Variants in ANO2 observed in about 807,000 individuals in gnomAD.
ANO2 encodes the protein anoctamin-2.
Under a neutral mutation model 124.2 loss-of-function variants are expected in ANO2, and 101 were observed. That is an observed-to-expected ratio of 0.81 (90% confidence interval 0.69 to 0.96). ANO2 has a LOEUF of 0.96. Ranked by LOEUF, ANO2 falls within the 40% of genes least tolerant of loss-of-function variation. The pLI, the probability that ANO2 is intolerant of heterozygous loss-of-function variation, is 0.00. For missense variants in ANO2, 1,293 were observed against 1,274.5 expected, an observed-to-expected ratio of 1.01 and a Z score of -0.22; for synonymous variants, 486 against 482.5, an observed-to-expected ratio of 1.01 and a Z score of -0.09.
upstream of ANO2, among the ~76,000 whole-genome samples, chr12:5,945,548 C>T (rs1943069398): frequency 1.3e-5 from 2 of 152,268 alleles, no homozygotes; most frequent in African/African-American, 2.4e-5. Context: ...GCCGGGGCAA[C>T]GCCCCACAAC....
chr12:5,681,148 T>C (rs915971320), intron 14 of ANO2, among the ~76,000 whole-genome samples: 1 of 152,174 alleles, frequency 6.6e-6, no homozygotes, highest in Admixed American at 6.5e-5. Flanking sequence ...AGGTGATTGC[T>C]AAGCAGGAAA....
intron 16 of ANO2, among the ~76,000 whole-genome samples, chr12:5,615,508 G>C (rs915390659): frequency 5.3e-5 from 8 of 152,116 alleles, no homozygotes; most frequent in Non-Finnish European, 1.5e-5. Context: ...AAAAAATATA[G>C]GATCACTGTC....
rs1423354125 is a variant in ANO2, at chr12:5,658,169, T to C, written c.1546-10368A>G. On this transcript the variant is annotated intron_variant, in intron 14 of 24. Coordinates refer to ENST00000682330, the MANE Select transcript of ANO2 (RefSeq NM_001364791.2). This position sits in a 1 kb window ranked among gnomAD's most constrained non-coding sequence, Gnocchi z 4.3. The stretch of plus-strand genomic sequence containing the variant: ...CTGGAGGTGGCTGCCTGGGTTCAAT[T>C]CCCAGCTTGCACGCTAATTGAACGT... Among the ~76,000 whole-genome samples the C allele has an allele frequency of 2.6e-5, 4 of 152,162 alleles. No individual in the cohort carries two copies. The highest frequency in any genetic ancestry group is 6.5e-5 in the Admixed American group (1 of 15,280).
chr12:5,756,415 AT>A (rs1361579925), intron 10 of ANO2, among the ~76,000 whole-genome samples: 2 of 152,114 alleles, frequency 1.3e-5, no homozygotes, highest in Non-Finnish European at 2.9e-5. Flanking sequence ...AGAATTCCTG[AT>A]TCTTTGTGAT....
chr12:5,940,093 A>ATG (rs1565798532), intron 1 of ANO2, among the ~76,000 whole-genome samples: 41 of 124,370 alleles, frequency 3.3e-4, no homozygotes, highest in African/African-American at 1.5e-3. Context: ...ATGGATGGAT[A>ATG]GATGGATGGA....
chr12:5,750,969 T>C lies in ANO2; in HGVS notation c.1057A>G (p.Lys353Glu). The C allele has an allele frequency of 1.3e-6, 2 of 1,593,058 alleles. No homozygotes were observed. Among genetic ancestry groups the C allele is most frequent in the Non-Finnish European group, 1.7e-6 (2 of 1,170,000 alleles). Residue 353 changes from lysine to glutamate, a missense_variant and splice_region_variant, in exon 11 of 25, where the codon AAG (lysine) becomes GAG (glutamate). Coordinates refer to ENST00000682330, the MANE Select transcript of ANO2 (RefSeq NM_001364791.2). ...YKFQPIDLIR[K>E]YFGEKIGLYF... ...AGTCCAATTTTTTCTCCAAAATACT[T>C]TCTGGAAAAGAAAGAAAAGAAAATG...
At chr12:5,732,773 C>G (rs758020539) in intron 13 of ANO2, 143 bp from the exon 14 acceptor site, 23 of 1,576,056 alleles carry the variant, frequency 1.5e-5, no homozygotes, top group Non-Finnish European at 2.0e-5. Flanking sequence ...CACACAATCA[C>G]AAGGCATCTA....
At chr12:5,765,477 A>G (rs1203734747) in intron 10 of ANO2, among the ~76,000 whole-genome samples, 1 of 152,246 alleles carries the variant, frequency 6.6e-6, no homozygotes, top group Non-Finnish European at 1.5e-5. Context: ...TCTATGAGAT[A>G]TTAGTCGGTA....
At chr12:5,804,525 T>C (rs761482426) in intron 9 of ANO2, among the ~76,000 whole-genome samples, 28 of 152,210 alleles carry the variant, frequency 1.8e-4, no homozygotes, top group Non-Finnish European at 1.2e-4. Context: ...ACATCAACTT[T>C]GGGAGTTATC....
chr12:5,849,180 C>T (rs1400429014), intron 4 of ANO2, among the ~76,000 whole-genome samples: 1 of 152,196 alleles, frequency 6.6e-6, no homozygotes, highest in Non-Finnish European at 1.5e-5. Flanking sequence ...TACAAAAGCT[C>T]TGACGATTGG....
At chr12:5,889,533 G>A (rs1025460217) in intron 3 of ANO2, among the ~76,000 whole-genome samples, 1 of 152,228 alleles carries the variant, frequency 6.6e-6, no homozygotes, top group African/African-American at 2.4e-5. Flanking sequence ...CGCAGGTGAG[G>A]AAATCAGGAC....
intron 10 of ANO2, among the ~76,000 whole-genome samples, chr12:5,755,324 A>G (rs533685075): frequency 5.3e-5 from 8 of 151,190 alleles, no homozygotes; most frequent in Admixed American, 1.3e-4. Context: ...TGCTTTCAAA[A>G]TTCTCTACTT....
At chr12:5,573,752 G>A (rs1942255858) in intron 23 of ANO2, among the ~76,000 whole-genome samples, 2 of 152,230 alleles carry the variant, frequency 1.3e-5, no homozygotes, top group Non-Finnish European at 2.9e-5. Flanking sequence ...ACACTTATGA[G>A]TAAATTTATT....
chr12:5,641,307 G>A (rs924274436), intron 15 of ANO2, among the ~76,000 whole-genome samples: 2 of 152,092 alleles, frequency 1.3e-5, no homozygotes, highest in African/African-American at 4.8e-5. Context: ...AAAGCAACAT[G>A]GCACATGTAT....
At chr12:5,744,116 A>G (rs1365123136) in intron 12 of ANO2, 41 bp downstream of exon 12, 2 of 1,610,680 alleles carry the variant, frequency 1.2e-6, no homozygotes, top group South Asian at 2.2e-5. Context: ...GCCCATGTAA[A>G]GGAACCACCC....
intron 20 of ANO2, among the ~76,000 whole-genome samples, chr12:5,592,550 C>G (rs1158911851): frequency 6.6e-6 from 1 of 151,978 alleles, no homozygotes; most frequent in African/African-American, 2.4e-5. Context: ...CTGCACTGGG[C>G]GTGTGAACTT....
intron 1 of ANO2, 46 bp from the exon 2 acceptor site, chr12:5,922,850 G>A: frequency 6.9e-7 from 1 of 1,446,050 alleles, no homozygotes. Context: ...TCAGGTGAAG[G>A]AAATCCAAGA....
chr12:5,618,134 C>A (rs910064024), intron 16 of ANO2, among the ~76,000 whole-genome samples: 2 of 152,182 alleles, frequency 1.3e-5, no homozygotes, highest in African/African-American at 4.8e-5. Flanking sequence ...AGCACACCTC[C>A]AAATTTGCAC....
intron 14 of ANO2, among the ~76,000 whole-genome samples, chr12:5,722,583 G>A (rs751598973): frequency 2.0e-5 from 3 of 152,184 alleles, no homozygotes; most frequent in Non-Finnish European, 2.9e-5. Context: ...GGCGGTGTAC[G>A]GATGTCAAGC....
Sources: allele counts gnomAD v4.1 joint callset (sites outside exome capture counted in the v4.1 genomes callset), GRCh38; gene constraint gnomAD v4.1.1; non-coding constraint Gnocchi (gnomAD v3.1); transcripts MANE v1.5; gene names NCBI Gene and HGNC (gene_info 2026-07-23, HGNC 2026-07-21).